Variants in SARAF observed in about 807,000 individuals in gnomAD.
The protein encoded by SARAF is store-operated calcium entry associated regulatory factor, also known as store-operated calcium entry-associated regulatory factor.
A neutral mutation model predicts 39.7 loss-of-function variants in SARAF; 23 were observed. The observed-to-expected ratio is 0.58, with a 90% confidence interval of 0.42 to 0.82. The LOEUF (loss-of-function observed/expected upper bound fraction) is 0.82, where lower values mean the gene tolerates loss of function less well. Ranked by LOEUF, SARAF falls within the 40% of genes least tolerant of loss-of-function variation. The pLI is 0.00. For missense variants in SARAF, 384 were observed against 418.5 expected (o/e 0.92, Z 0.72); for synonymous variants, 175 against 168.5 (o/e 1.04, Z -0.30).
chr8:30,064,510 T>C (rs2117416858), intron 5 of SARAF, among the ~76,000 whole-genome samples: 1 of 147,670 alleles, frequency 6.8e-6, no homozygotes, highest in African/African-American at 2.5e-5. Context: ...ATGAATATTT[T>C]TCTGTCATGA....
In SARAF at chr8:30,064,549, A is replaced by ATTTTTTTTTTTTTTTTTTTTTTT. The variant is rs1285474401; in HGVS notation, c.995-637_995-636insAAAAAAAAAAAAAAAAAAAAAAA. Among the ~76,000 whole-genome samples, 2 of 43,826 alleles carry ATTTTTTTTTTTTTTTTTTTTTTT rather than the reference A, an allele frequency of 4.6e-5. 1 individual carries two copies. Among genetic ancestry groups the ATTTTTTTTTTTTTTTTTTTTTTT allele is most frequent in the Non-Finnish European group, 7.7e-5 (2 of 26,010 alleles). 28.8% of individuals were successfully genotyped at this position (43,826 alleles called of 152,430 possible). On this transcript the variant is annotated intron_variant, in intron 5 of 5. Transcript: ENST00000256255. ...CTTACCTAGCCATATATATATATAT[A>ATTTTTTTTTTTTTTTTTTTTTTT]TATATATATATATTTTTTTTTTTTT...
chr8:30,070,114 A>G (rs1249125285), intron 2 of SARAF, 55 bp from the exon 3 acceptor site: 3 of 1,468,160 alleles, frequency 2.0e-6, no homozygotes, highest in Non-Finnish European at 2.7e-6. Context: ...TTCATTTAAT[A>G]TATGTTACTT....
In SARAF at chr8:30,070,242, T is replaced by C. The variant is rs142890693; in HGVS notation, c.283-183A>G. On this transcript the variant is annotated intron_variant, in intron 2 of 5. Coordinates refer to ENST00000256255, the MANE Select transcript of SARAF (RefSeq NM_016127.6). Reference sequence around the variant, plus strand: ...GGCCAAGATGGTGAAACCCCATCTTTATTAAAAATACAAAAATTAGCCAGG... The same window carrying C: ...GGCCAAGATGGTGAAACCCCATCTTCATTAAAAATACAAAAATTAGCCAGG... Among the ~76,000 whole-genome samples, 1,297 of 152,258 alleles carry C rather than the reference T, an allele frequency of 8.5e-3. 14 individuals carry two copies. The highest frequency in any genetic ancestry group is 0.012 in the Non-Finnish European group (824 of 68,010).
intron 2 of SARAF, 119 bp downstream of exon 2, chr8:30,073,758 T>C: frequency 1.4e-6 from 1 of 738,502 alleles, no homozygotes. Flanking sequence ...TTTACTTACA[T>C]ATTTTAGGCT....
chr8:30,069,719 G>A lies in SARAF; in HGVS notation c.623C>T (p.Pro208Leu). The A allele has an allele frequency of 1.2e-6, 2 of 1,614,124 alleles. No homozygotes were observed. Among genetic ancestry groups the A allele is most frequent in the Non-Finnish European group, 1.7e-6 (2 of 1,180,030 alleles). ...QYSPPPYSEY[P>L]PFSHRYQRFT... Reference sequence around the variant, plus strand: ...TCTCTGGTAACGGTGGGAAAATGGAGGATACTCAGAGTACGGTGGAGGAGA... The same window carrying A: ...TCTCTGGTAACGGTGGGAAAATGGAAGATACTCAGAGTACGGTGGAGGAGA... Residue 208 changes from proline (P) to leucine (L), a missense_variant, in exon 3 of 6, where the codon CCT becomes CTT. Coordinates refer to ENST00000256255, the MANE Select transcript of SARAF (RefSeq NM_016127.6).
At chr8:30,071,674 T>G (rs1801848922) in intron 2 of SARAF, among the ~76,000 whole-genome samples, 1 of 152,222 alleles carries the variant, frequency 6.6e-6, no homozygotes, top group South Asian at 2.1e-4. Context: ...TGGATTTCCC[T>G]AAATGGACAG....
chr8:30,068,461 AGTT>A (rs907105460), intron 3 of SARAF, among the ~76,000 whole-genome samples: 1 of 152,236 alleles, frequency 6.6e-6, no homozygotes, highest in Non-Finnish European at 1.5e-5. Flanking sequence ...ACATTACATG[AGTT>A]GTTAATTATT....
At chr8:30,076,175 G>A (rs1170388534) in intron 1 of SARAF, among the ~76,000 whole-genome samples, 1 of 152,038 alleles carries the variant, frequency 6.6e-6, no homozygotes, top group Non-Finnish European at 1.5e-5. Context: ...CTCTGGAGAG[G>A]ATAAAACTGA....
Position 30,075,988 on chromosome 8 carries a change from AAACAAAAAAAAAAAAAC to A in SARAF, c.104-1950_104-1934del, listed in dbSNP as rs1198093966. Among the ~76,000 whole-genome samples, 23 of 121,360 alleles carry A rather than the reference AAACAAAAAAAAAAAAAC, an allele frequency of 1.9e-4. 5 individuals carry two copies. The highest frequency in any genetic ancestry group is 6.2e-4 in the African/African-American group (19 of 30,680). The allele number at this position is 121,360 out of a possible 152,430, so 79.6% of individuals were successfully genotyped here. A position where few individuals can be genotyped will look rare whatever the true frequency, so the allele number is the denominator to read the frequency against. On this transcript the variant is annotated intron_variant, in intron 1 of 5. Transcript: ENST00000256255. Reference sequence around the variant, plus strand: ...TGTACATAACAGAATCCCTAAAAAAAAACAAAAAAAAAAAAACAAAAAACGGGAAATGGCAGCTCTGG... The same window carrying A: ...TGTACATAACAGAATCCCTAAAAAAAAAAAAACGGGAAATGGCAGCTCTGG...
At chr8:30,070,194 G>C (rs139612716) in intron 2 of SARAF, 135 bp from the exon 3 acceptor site, 2 of 740,810 alleles carry the variant, frequency 2.7e-6, no homozygotes, top group Non-Finnish European at 4.3e-6. Context: ...TGGATCACGC[G>C]GTCAGGAGTT....
intron 1 of SARAF, among the ~76,000 whole-genome samples, chr8:30,074,902 CTATT>C (rs1199442679): frequency 6.6e-6 from 1 of 152,104 alleles, no homozygotes; most frequent in Admixed American, 6.5e-5. Context: ...AAAATCAAAA[CTATT>C]TAAACTATTT....
intron 2 of SARAF, among the ~76,000 whole-genome samples, chr8:30,073,098 T>A (rs375874416): frequency 9.8e-5 from 15 of 152,306 alleles, no homozygotes; most frequent in African/African-American, 3.1e-4. Context: ...GTGAAGTAAG[T>A]ATCACCCAGT....
In SARAF at chr8:30,083,034, C is replaced by T. The variant is rs1802147840; in HGVS notation, c.-85G>A. On this transcript the variant is annotated 5_prime_UTR_variant, in exon 1 of 6. Coordinates refer to ENST00000256255, the MANE Select transcript of SARAF (RefSeq NM_016127.6). ...TAGCGCGCGCGACGCTGCGCAGCTA[C>T]ACCGCTACCCCTGGCGGCGGCGAAG... 9.9e-7 allele frequency: 1 copy of T among 1,008,158 alleles called. No individual in the cohort carries two copies. Among genetic ancestry groups the T allele is most frequent in the Non-Finnish European group, 1.4e-6 (1 of 709,998 alleles). The allele number at this position is 1,008,158 out of a possible 1,614,324, so 62.5% of individuals were successfully genotyped here. A position where few individuals can be genotyped will look rare whatever the true frequency, so the allele number is the denominator to read the frequency against.
At chr8:30,065,230 A>C (rs1395226764) in intron 5 of SARAF, among the ~76,000 whole-genome samples, 2 of 152,152 alleles carry the variant, frequency 1.3e-5, no homozygotes, top group African/African-American at 4.8e-5. Flanking sequence ...CCAGCACACA[A>C]GTGTATGCAT....
chr8:30,066,329 G>C (rs1397254111), intron 4 of SARAF, among the ~76,000 whole-genome samples, 190 bp from the exon 5 acceptor site: 2 of 152,034 alleles, frequency 1.3e-5, no homozygotes, highest in Non-Finnish European at 1.5e-5. Context: ...CACTGCTATG[G>C]GGGAAAAGTG....
chr8:30,064,561 A>ATATATATATATTTTTTTTTTTTTTT (rs1423689069), intron 5 of SARAF, among the ~76,000 whole-genome samples: 1 of 46,236 alleles, frequency 2.2e-5, no homozygotes, highest in Non-Finnish European at 3.4e-5. Flanking sequence ...ATATATATAT[A>ATATATATATATTTTTTTTTTTTTTT]TTTTTTTTTT....
chr8:30,073,740 GT>G, intron 2 of SARAF, 136 bp downstream of exon 2: 1 of 637,860 alleles, frequency 1.6e-6, no homozygotes. Context: ...CACAGGAAGA[GT>G]GATTGATTTA....
At chr8:30,076,047 A>T (rs1329251597) in intron 1 of SARAF, among the ~76,000 whole-genome samples, 1 of 151,196 alleles carries the variant, frequency 6.6e-6, no homozygotes, top group Non-Finnish European at 1.5e-5. Context: ...AGATGCCTGG[A>T]ATACACACTA....
At chr8:30,081,663 C>G (rs894262715) in intron 1 of SARAF, among the ~76,000 whole-genome samples, 1 of 151,916 alleles carries the variant, frequency 6.6e-6, no homozygotes, top group Non-Finnish European at 1.5e-5. Flanking sequence ...TTTCCAATCA[C>G]CAAATCACAA....
Sources: allele counts gnomAD v4.1 joint callset (sites outside exome capture counted in the v4.1 genomes callset), GRCh38; gene constraint gnomAD v4.1.1; transcripts MANE v1.5; gene names NCBI Gene and HGNC (gene_info 2026-07-23, HGNC 2026-07-21).